Variants in FRMD4A observed in about 807,000 individuals in gnomAD.
FRMD4A encodes FERM domain containing 4A.
A neutral mutation model predicts 129.1 loss-of-function variants in FRMD4A; 29 were observed. That is an observed-to-expected ratio of 0.22 (90% confidence interval 0.17 to 0.31). The LOEUF is 0.31. Ranked by LOEUF, FRMD4A falls within the 10% of genes least tolerant of loss-of-function variation. FRMD4A has a pLI of 1.00. For missense variants in FRMD4A, 1,272 were observed against 1,375.8 expected (o/e 0.92, Z 1.19); for synonymous variants, 634 against 571.6 (o/e 1.11, Z -1.56).
chr10:14,185,848 C>T (rs7082450), intron 2 of FRMD4A, among the ~76,000 whole-genome samples: 7,756 of 152,106 alleles, frequency 0.051, 492 homozygotes, highest in East Asian at 0.28. Context: ...CAGCCATGGC[C>T]AGGTTTCCCA....
intron 2 of FRMD4A, among the ~76,000 whole-genome samples, chr10:14,253,216 G>A (rs1043609815): frequency 1.3e-5 from 2 of 152,142 alleles, no homozygotes; most frequent in Non-Finnish European, 2.9e-5. Flanking sequence ...GGTTAGCACC[G>A]CTGAAGACCG....
At chr10:14,326,124 T>TA (rs1232594759) in intron 2 of FRMD4A, 9 of 152,190 alleles carry the variant, frequency 5.9e-5, no homozygotes, top group South Asian at 2.1e-4. Context: ...TTCATCGATA[T>TA]AAAAAAATAT....
At chr10:14,027,892 C>T (rs1240046223) in intron 2 of FRMD4A, among the ~76,000 whole-genome samples, 1 of 152,148 alleles carries the variant, frequency 6.6e-6, no homozygotes, top group Non-Finnish European at 1.5e-5. Context: ...GATGTCACCC[C>T]GAAGAGACAT....
intron 6 of FRMD4A, among the ~76,000 whole-genome samples, chr10:13,778,598 C>CGTGTGTGTGTGTGTGTGTGTGT (rs150073571): frequency 6.8e-6 from 1 of 147,872 alleles, no homozygotes. Context: ...ACCATTCCAA[C>CGTGTGTGTGTGTGTGTGTGTGT]GTGTGTGTGT....
At chr10:13,834,932 T>C (rs1241113057) in intron 3 of FRMD4A, among the ~76,000 whole-genome samples, 1 of 152,172 alleles carries the variant, frequency 6.6e-6, no homozygotes, top group Non-Finnish European at 1.5e-5. Context: ...CTTTAGCAAA[T>C]GGACTTCCAG....
At chr10:14,113,824 T>G (rs1421131175) in intron 2 of FRMD4A, among the ~76,000 whole-genome samples, 4 of 152,178 alleles carry the variant, frequency 2.6e-5, no homozygotes, top group African/African-American at 9.7e-5. Flanking sequence ...CTTCTTCCTC[T>G]TCTTTCTCCT....
intron 16 of FRMD4A, among the ~76,000 whole-genome samples, chr10:13,673,264 A>G (rs2134724917): frequency 6.6e-6 from 1 of 152,310 alleles, no homozygotes; most frequent in East Asian, 1.9e-4. Context: ...TAAGATTTGC[A>G]ATGGATTTGT....
intron 2 of FRMD4A, among the ~76,000 whole-genome samples, chr10:14,105,682 G>T (rs575586028): frequency 6.6e-6 from 1 of 152,268 alleles, no homozygotes; most frequent in African/African-American, 2.4e-5. Context: ...TTTGAAGCAG[G>T]TTCCAGATAA....
chr10:14,057,510 G>C (rs1834592998), intron 2 of FRMD4A, among the ~76,000 whole-genome samples: 1 of 152,058 alleles, frequency 6.6e-6, no homozygotes, highest in African/African-American at 2.4e-5. Context: ...AAAAGTCAAC[G>C]CATGCTGCAG....
chr10:13,729,627 A>C (rs1193457594), intron 12 of FRMD4A: 1 of 152,182 alleles, frequency 6.6e-6, no homozygotes, highest in African/African-American at 2.4e-5. Context: ...CTGCTTCCGA[A>C]ATACCCTTAG....
At chr10:14,157,988 C>T (rs1840683819) in intron 2 of FRMD4A, among the ~76,000 whole-genome samples, 1 of 152,176 alleles carries the variant, frequency 6.6e-6, no homozygotes. Flanking sequence ...TGGACAGAGA[C>T]ATAAGGGCCA....
chr10:13,693,792 A>C, intron 15 of FRMD4A, 106 bp downstream of exon 15: 2 of 1,188,196 alleles, frequency 1.7e-6, no homozygotes, highest in Non-Finnish European at 2.5e-6. Flanking sequence ...GCTTTGGAGC[A>C]GCTTGCCCTG....
chr10:13,770,907 AGAATGT>A (rs2130736292), intron 6 of FRMD4A, among the ~76,000 whole-genome samples: 1 of 152,308 alleles, frequency 6.6e-6, no homozygotes, highest in East Asian at 1.9e-4. Flanking sequence ...GTTGTCCTCT[AGAATGT>A]GATTCTGGGC....
intron 2 of FRMD4A, among the ~76,000 whole-genome samples, chr10:13,996,699 C>T (rs887195769): frequency 4.6e-5 from 7 of 152,168 alleles, no homozygotes; most frequent in Non-Finnish European, 1.0e-4. Context: ...AGTGTTGGCA[C>T]CTGTTACTTA....
chr10:14,183,827 TTC>T (rs1415035293), intron 2 of FRMD4A, among the ~76,000 whole-genome samples: 1 of 152,240 alleles, frequency 6.6e-6, no homozygotes, highest in East Asian at 1.9e-4. Flanking sequence ...TGAAGAATAT[TTC>T]TGTCTCAATT....
chr10:13,991,412 T>C (rs1051428961), intron 2 of FRMD4A, among the ~76,000 whole-genome samples: 4 of 152,194 alleles, frequency 2.6e-5, no homozygotes, highest in African/African-American at 9.7e-5. Context: ...AGTGTGCACC[T>C]GCTTTCCTCC....
intron 2 of FRMD4A, among the ~76,000 whole-genome samples, chr10:14,310,893 A>G (rs1846525758): frequency 6.6e-6 from 1 of 151,886 alleles, no homozygotes; most frequent in South Asian, 2.1e-4. Flanking sequence ...TTTCACTGTT[A>G]AACTTTCTGC....
intron 15 of FRMD4A, chr10:13,685,139 T>C: frequency 1.0e-6 from 1 of 984,852 alleles, no homozygotes; most frequent in Admixed American, 6.1e-5. Flanking sequence ...GAATTAGATG[T>C]GATTTTTAAC....
intron 2 of FRMD4A, among the ~76,000 whole-genome samples, chr10:14,040,792 C>A (rs1217121694): frequency 6.6e-6 from 1 of 152,176 alleles, no homozygotes; most frequent in Non-Finnish European, 1.5e-5. Flanking sequence ...GACGGAGACG[C>A]CAGCTTAGGC....
Sources: gnomAD v4.1 joint callset for allele counts (sites outside exome capture counted in the v4.1 genomes callset) on GRCh38, gnomAD v4.1.1 for gene constraint, MANE v1.5 for transcripts, NCBI Gene and HGNC (gene_info 2026-07-23, HGNC 2026-07-21) for gene names.